The following PELI1 variants were observed in gnomAD, a reference collection of about 807,000 sequenced individuals.
PELI1 encodes E3 ubiquitin-protein ligase pellino homolog 1.
Under a neutral mutation model 41.3 loss-of-function variants are expected in PELI1, and 15 were observed. The observed-to-expected ratio is 0.36, with a 90% confidence interval of 0.24 to 0.56. The LOEUF is 0.56. Among genes scored for constraint, PELI1 ranks in the 20% least tolerant of loss-of-function variants. PELI1 has a pLI of 0.82. For synonymous variants in PELI1, 178 were observed against 180.1 expected (o/e 0.99, Z 0.09); for missense variants, 403 against 525.5 (o/e 0.77, Z 2.28).
At chr2:64,096,993 A>G (rs1240073484) in intron 4 of PELI1, among the ~76,000 whole-genome samples, 2 of 152,356 alleles carry the variant, frequency 1.3e-5, no homozygotes, top group East Asian at 3.9e-4. Context: ...ATTTAACAGA[A>G]TATAGTGAAC....
rs368871090 is a variant in PELI1 at position 64,096,617 on chromosome 2, G to GAA, written c.304-9_304-8dup. On this transcript the variant is annotated splice_polypyrimidine_tract_variant and splice_region_variant and intron_variant, in intron 4 of 6. Transcript: ENST00000358912. ...TTTCAGTCGACCGGCCAATCTGAGG[G>GAA]AAAAAAAAAAATACCTATAAACCCA... The GAA allele has an allele frequency of 3.0e-5, 40 of 1,316,608 alleles. No individual in the cohort carries two copies. The highest frequency in any genetic ancestry group is 2.0e-4 in the Middle Eastern group (1 of 5,120). The allele number at this position is 1,316,608 out of a possible 1,614,324, so 81.6% of individuals were successfully genotyped here.
intron 2 of PELI1, among the ~76,000 whole-genome samples, chr2:64,105,715 T>C (rs1270983771): frequency 6.6e-6 from 1 of 152,204 alleles, no homozygotes; most frequent in East Asian, 1.9e-4. Flanking sequence ...ATGTTTGTCA[T>C]GTGGTTATGT....
At chr2:64,109,198 G>C (rs1680722479) in intron 1 of PELI1, among the ~76,000 whole-genome samples, 1 of 152,194 alleles carries the variant, frequency 6.6e-6, no homozygotes, top group South Asian at 2.1e-4. Context: ...TAGAGGCTGA[G>C]TAGGGACCCT....
At chr2:64,141,207 T>C (rs931206543) in intron 1 of PELI1, among the ~76,000 whole-genome samples, 3 of 152,202 alleles carry the variant, frequency 2.0e-5, no homozygotes, top group African/African-American at 7.2e-5. Context: ...TCAGGTTTTC[T>C]TCACTTTGCT....
intron 1 of PELI1, among the ~76,000 whole-genome samples, chr2:64,110,247 G>GAAA (rs796716135): frequency 6.4e-4 from 65 of 100,778 alleles, no homozygotes; most frequent in African/African-American, 1.1e-3. Flanking sequence ...TCCGTCTCAA[G>GAAA]AAAAAAAAAA....
At chr2:64,099,660 T>C (rs1040497858) in intron 4 of PELI1, among the ~76,000 whole-genome samples, 1 of 152,190 alleles carries the variant, frequency 6.6e-6, no homozygotes, top group African/African-American at 2.4e-5. Context: ...TGGAAGTCAA[T>C]GTGACAATAA....
Position 64,101,329 on chromosome 2 carries a change from T to A in PELI1, c.202-830A>T, listed in dbSNP as rs572945651. ...TCCCAGGAGATAAAAGAAAAAAATT[T>A]AAAAAAAAAAAACAAAAGAAACATT... On this transcript the variant is annotated intron_variant, in intron 3 of 6. Transcript: ENST00000358912. Among the ~76,000 whole-genome samples, 364 of 139,922 alleles carry A rather than the reference T, an allele frequency of 2.6e-3. 1 individual carries two copies. The highest frequency in any genetic ancestry group is 3.6e-3 in the Non-Finnish European group (231 of 63,576). 91.8% of individuals were successfully genotyped at this position (139,922 alleles called of 152,430 possible).
chr2:64,132,518 G>A (rs1252873904), intron 1 of PELI1, among the ~76,000 whole-genome samples: 2 of 152,168 alleles, frequency 1.3e-5, no homozygotes, highest in Non-Finnish European at 2.9e-5. Flanking sequence ...ATTAGTGGGG[G>A]AGGCATCTGA....
intron 1 of PELI1, among the ~76,000 whole-genome samples, chr2:64,130,491 C>T (rs1280437836): frequency 6.6e-6 from 1 of 152,150 alleles, no homozygotes; most frequent in Non-Finnish European, 1.5e-5. Flanking sequence ...CTTTTTTGAG[C>T]TCCCATAGTT....
Position 64,094,786 on chromosome 2 carries a change from A to G in PELI1, c.1173T>C (p.Phe391=). 1 of 1,614,200 alleles carries G rather than the reference A, an allele frequency of 6.2e-7. No homozygotes were observed. The highest frequency in any genetic ancestry group is 8.5e-7 in the Non-Finnish European group (1 of 1,180,030). ...QIPLPHGTHT[F]HAACPFCAHQ... ...GTGCACAAAAGGGACAGGCTGCATGAAAAGTATGAGTACCATGAGGAAGTG... is the reference window on the plus strand; with the variant it reads ...GTGCACAAAAGGGACAGGCTGCATGGAAAGTATGAGTACCATGAGGAAGTG... Residue 391 remains phenylalanine, a synonymous_variant, in exon 7 of 7, where the codon TTT becomes TTC. Coordinates refer to ENST00000358912, the MANE Select transcript of PELI1 (RefSeq NM_020651.4).
At chr2:64,124,134 G>T (rs566206298) in intron 1 of PELI1, among the ~76,000 whole-genome samples, 29 of 152,178 alleles carry the variant, frequency 1.9e-4, no homozygotes, top group African/African-American at 7.0e-4. Context: ...GCCTGGGAGG[G>T]GAAAGAAAGG....
intron 1 of PELI1, among the ~76,000 whole-genome samples, chr2:64,128,482 CCA>C (rs1681459435): frequency 6.6e-6 from 1 of 151,990 alleles, no homozygotes; most frequent in East Asian, 1.9e-4. Flanking sequence ...ATCTTAATTG[CCA>C]CAAACATTTC....
chr2:64,119,465 T>C (rs1290056514), intron 1 of PELI1, among the ~76,000 whole-genome samples: 1 of 152,202 alleles, frequency 6.6e-6, no homozygotes, highest in Non-Finnish European at 1.5e-5. Flanking sequence ...CATCTGCCAG[T>C]TACAGTTGGA....
chr2:64,113,244 G>T (rs1023535671), intron 1 of PELI1, among the ~76,000 whole-genome samples: 2 of 151,512 alleles, frequency 1.3e-5, no homozygotes, highest in Non-Finnish European at 2.9e-5. Flanking sequence ...TGAGGCTACA[G>T]TGAGCTGTGA....
intron 1 of PELI1, among the ~76,000 whole-genome samples, chr2:64,117,832 CAG>C (rs1220951056): frequency 1.9e-4 from 28 of 150,950 alleles, no homozygotes; most frequent in African/African-American, 6.8e-4. Context: ...TTTTTTGAGA[CAG>C]AGTGTTGCTC....
chr2:64,138,252 T>C lies in PELI1; in HGVS notation c.-70+5829A>G, dbSNP rs995904898. Among the ~76,000 whole-genome samples, 67 of 152,136 alleles carry C rather than the reference T, an allele frequency of 4.4e-4. 1 individual carries two copies. The highest frequency in any genetic ancestry group is 2.7e-3 in the Admixed American group (42 of 15,282). ...ATGCCTGGCTCACACCCTTGTCTTC[T>C]TGTAGTTTCTTGCAGTTGTAGGCAC... On this transcript the variant is annotated intron_variant, in intron 1 of 6. Transcript: ENST00000358912.
intron 1 of PELI1, among the ~76,000 whole-genome samples, chr2:64,118,692 T>C (rs1207643959): frequency 6.6e-6 from 1 of 152,196 alleles, no homozygotes; most frequent in East Asian, 1.9e-4. Context: ...TTAAAATCTC[T>C]ACAAAGTATG....
intron 1 of PELI1, among the ~76,000 whole-genome samples, chr2:64,130,556 C>T (rs1250851784): frequency 6.6e-6 from 1 of 152,132 alleles, no homozygotes; most frequent in Non-Finnish European, 1.5e-5. Flanking sequence ...TTACATATGA[C>T]CCTGTGCTAT....
intron 1 of PELI1, among the ~76,000 whole-genome samples, chr2:64,111,205 A>T (rs1680797498): frequency 6.6e-6 from 1 of 152,152 alleles, no homozygotes; most frequent in Non-Finnish European, 1.5e-5. Flanking sequence ...TGAATGAAAA[A>T]GGTCTACTTG....
Sources: gnomAD v4.1 joint callset for allele counts (sites outside exome capture counted in the v4.1 genomes callset) on GRCh38, gnomAD v4.1.1 for gene constraint, MANE v1.5 for transcripts, NCBI Gene and HGNC (gene_info 2026-07-23, HGNC 2026-07-21) for gene names.